PTPRM: variants seen among roughly 807,000 people sequenced by gnomAD.
The protein encoded by PTPRM is receptor-type tyrosine-protein phosphatase mu.
In PTPRM, 47 loss-of-function variants were observed where a neutral mutation model predicts 186.7. That is an observed-to-expected ratio of 0.25 (90% CI 0.20 to 0.32). PTPRM has a LOEUF of 0.32. PTPRM is among the 10% of genes least tolerant of loss of function. The pLI is 1.00. For synonymous variants in PTPRM, 668 were observed against 674.9 expected, an observed-to-expected ratio of 0.99 and a Z score of 0.16; for missense variants, 1,494 against 1,865.0, an observed-to-expected ratio of 0.80 and a Z score of 3.66.
chr18:7,820,034 G>A (rs762928858), intron 2 of PTPRM, among the ~76,000 whole-genome samples: 6 of 152,216 alleles, frequency 3.9e-5, no homozygotes, highest in East Asian at 1.9e-4. Flanking sequence ...TGTGAAGTGC[G>A]TTGCTAATAA....
At chr18:8,240,643 G>GAA (rs2094413481) in intron 14 of PTPRM, among the ~76,000 whole-genome samples, 1 of 32,600 alleles carries the variant, frequency 3.1e-5, no homozygotes, top group Non-Finnish European at 6.6e-5. Context: ...GAGAGAGAGA[G>GAA]AGAGAGAGAG....
intron 7 of PTPRM, among the ~76,000 whole-genome samples, chr18:8,027,525 C>T (rs2085646318): frequency 6.6e-6 from 1 of 152,180 alleles, no homozygotes; most frequent in South Asian, 2.1e-4. Context: ...TCTACTTAAT[C>T]AGATTCTGCC....
At chr18:8,097,887 G>T (rs2091088633) in intron 11 of PTPRM, among the ~76,000 whole-genome samples, 1 of 152,214 alleles carries the variant, frequency 6.6e-6, no homozygotes. Flanking sequence ...ATGCAGTTGT[G>T]CAGAGCATAA....
At chr18:7,785,142 G>GAAGAGT (rs2043039944) in intron 2 of PTPRM, among the ~76,000 whole-genome samples, 1 of 152,170 alleles carries the variant, frequency 6.6e-6, no homozygotes, top group African/African-American at 2.4e-5. Flanking sequence ...AGAGGAAGAG[G>GAAGAGT]TCCAGACATA....
intron 14 of PTPRM, among the ~76,000 whole-genome samples, chr18:8,182,615 A>C (rs7233548): frequency 0.62 from 93,860 of 151,988 alleles, 29,563 homozygotes; most frequent in Middle Eastern, 0.79. Context: ...TAGAGAATAA[A>C]CAGGAATCTT....
At chr18:7,728,105 G>C (rs745953382) in intron 1 of PTPRM, among the ~76,000 whole-genome samples, 2 of 152,084 alleles carry the variant, frequency 1.3e-5, no homozygotes, top group East Asian at 1.9e-4. Context: ...ACTTATTTTT[G>C]TGCTGTAATA....
intron 1 of PTPRM, chr18:7,755,093 G>A (rs937423304): frequency 1.4e-4 from 21 of 152,164 alleles, no homozygotes; most frequent in African/African-American, 4.6e-4. Flanking sequence ...ATTTACCAGG[G>A]TACACTTTGT....
intron 14 of PTPRM, among the ~76,000 whole-genome samples, chr18:8,229,938 C>A (rs2094264613): frequency 6.6e-6 from 1 of 152,188 alleles, no homozygotes; most frequent in Admixed American, 6.5e-5. Flanking sequence ...TTTGCAGACA[C>A]CTTTCCTCAC....
chr18:7,766,565 G>A (rs989800786), intron 1 of PTPRM, among the ~76,000 whole-genome samples: 1 of 152,146 alleles, frequency 6.6e-6, no homozygotes, highest in South Asian at 2.1e-4. Flanking sequence ...TTATTCATAG[G>A]GAATGTTCTG....
intron 7 of PTPRM, among the ~76,000 whole-genome samples, chr18:7,975,531 C>T (rs375049612): frequency 1.4e-4 from 21 of 152,238 alleles, no homozygotes; most frequent in East Asian, 1.2e-3. Context: ...ATTTCAACTA[C>T]GGTAAGGTTC....
At position 7,940,519 on chromosome 18, in the gene PTPRM, G is replaced by A. The variant is rs531138251; in HGVS notation, c.664-8662G>A. ...TGGAGTTGGCTCTGGGGGATGGGTGGGAAGCATTCTAGGAGGAGGAAGAGG... is the reference window on the plus strand; with the variant it reads ...TGGAGTTGGCTCTGGGGGATGGGTGAGAAGCATTCTAGGAGGAGGAAGAGG... On this transcript the variant is annotated intron_variant, in intron 5 of 32. Transcript: ENST00000580170. Among the ~76,000 whole-genome samples, 7 of 152,230 alleles carry A rather than the reference G, an allele frequency of 4.6e-5. No homozygotes were observed. In the East Asian group the frequency reaches 1.4e-3, roughly 29 times the overall value.
Position 8,005,565 on chromosome 18 carries a change from C to T in PTPRM, c.1132+50151C>T, listed in dbSNP as rs557113991. 2.4e-4 allele frequency among the ~76,000 whole-genome samples: 37 copies of T among 152,276 alleles called. No homozygotes were observed. The South Asian group carries it at 7.7e-3, about 32-fold the overall frequency. On this transcript the variant is annotated intron_variant, in intron 7 of 32. Coordinates refer to ENST00000580170, the MANE Select transcript of PTPRM (RefSeq NM_001105244.2). ...CTGTGATTCAGAAAATTGAAAACTCCTTAAATTGTATAGCGAGTGAATAGC... is the reference window on the plus strand; with the variant it reads ...CTGTGATTCAGAAAATTGAAAACTCTTTAAATTGTATAGCGAGTGAATAGC...
chr18:8,405,510 C>G (rs1449293129), intron 32 of PTPRM, among the ~76,000 whole-genome samples: 1 of 152,204 alleles, frequency 6.6e-6, no homozygotes, highest in Non-Finnish European at 1.5e-5. Context: ...CCTGCCGTCC[C>G]CTGAGCATAG....
At chr18:8,314,929 T>C in intron 21 of PTPRM, 72 bp downstream of exon 21, 2 of 952,582 alleles carry the variant, frequency 2.1e-6, no homozygotes, top group Non-Finnish European at 3.2e-6. Flanking sequence ...GATATTTTGA[T>C]ACATGTATAC....
At chr18:8,137,974 T>G (rs532997603) in intron 13 of PTPRM, among the ~76,000 whole-genome samples, 21 of 152,144 alleles carry the variant, frequency 1.4e-4, no homozygotes, top group Non-Finnish European at 1.0e-4. Context: ...TGCAGAGCCT[T>G]GTTCCAGTAC....
At chr18:8,286,791 A>G (rs1199249088) in intron 19 of PTPRM, among the ~76,000 whole-genome samples, 1 of 152,206 alleles carries the variant, frequency 6.6e-6, no homozygotes, top group Admixed American at 6.5e-5. Context: ...CTAAATTTCT[A>G]AAATAATTAT....
chr18:8,341,595 C>T (rs2095475074), intron 22 of PTPRM, among the ~76,000 whole-genome samples: 1 of 152,096 alleles, frequency 6.6e-6, no homozygotes, highest in Admixed American at 6.5e-5. Flanking sequence ...GATGCTGGGA[C>T]CTCTGATTCA....
chr18:7,822,877 C>T (rs1467135923), intron 2 of PTPRM, among the ~76,000 whole-genome samples: 1 of 152,180 alleles, frequency 6.6e-6, no homozygotes, highest in Non-Finnish European at 1.5e-5. Context: ...ACTTCCTTTC[C>T]TGCCGCAGCT....
intron 1 of PTPRM, among the ~76,000 whole-genome samples, chr18:7,626,815 G>C (rs944439490): frequency 1.3e-5 from 2 of 152,144 alleles, no homozygotes; most frequent in African/African-American, 4.8e-5. Context: ...TTGGCCTCCT[G>C]ACTAGCTGGG....
Sources: gnomAD v4.1 joint callset for allele counts (sites outside exome capture counted in the v4.1 genomes callset) on GRCh38, gnomAD v4.1.1 for gene constraint, MANE v1.5 for transcripts, NCBI Gene and HGNC (gene_info 2026-07-23, HGNC 2026-07-21) for gene names.